The following ADK variants were observed in gnomAD, a reference collection of about 807,000 sequenced individuals.
The protein encoded by ADK is adenosine kinase, also known as N6,N6-dimethyladenosine kinase.
Under a neutral mutation model 44.7 loss-of-function variants are expected in ADK, and 24 were observed. The ratio of observed to expected loss-of-function variants is 0.54; its 90% CI spans 0.39 to 0.76. The LOEUF (loss-of-function observed/expected upper bound fraction) is 0.76, where lower values mean the gene tolerates loss of function less well. ADK is among the 30% of genes least tolerant of loss of function. The probability of loss-of-function intolerance (pLI) is 0.00; values close to 1 mark genes in which losing one functional copy is unlikely to be tolerated. For missense variants in ADK, 321 were observed against 425.1 expected, an observed-to-expected ratio of 0.76 and a Z score of 2.15; for synonymous variants, 128 against 142.6, an observed-to-expected ratio of 0.90 and a Z score of 0.73.
At chr10:74,288,675 T>G (rs1013908871) in intron 3 of ADK, among the ~76,000 whole-genome samples, 29 of 152,242 alleles carry the variant, frequency 1.9e-4, no homozygotes, top group African/African-American at 6.7e-4. Context: ...ACATAAACTT[T>G]TAAAACTTCA....
chr10:74,403,547 C>T (rs1843793078), intron 6 of ADK, among the ~76,000 whole-genome samples: 1 of 152,188 alleles, frequency 6.6e-6, no homozygotes, highest in Non-Finnish European at 1.5e-5. Context: ...CCCTCCGAGC[C>T]ATGCGTGGGA....
At chr10:74,599,619 TTGAAAAGA>T (rs1241971376) in intron 8 of ADK, among the ~76,000 whole-genome samples, 1 of 152,208 alleles carries the variant, frequency 6.6e-6, no homozygotes, top group Admixed American at 6.5e-5. Flanking sequence ...TCCAAAATGG[TTGAAAAGA>T]TGATTCTAAA....
Position 74,547,430 on chromosome 10 carries a change from TTATATATA to T in ADK, c.726+22014_726+22021del, listed in dbSNP as rs10596248. 2.3e-3 allele frequency among the ~76,000 whole-genome samples: 312 copies of T among 137,452 alleles called. 2 individuals are homozygous for T. The highest frequency in any genetic ancestry group is 3.0e-3 in the Non-Finnish European group (196 of 65,354). 90.2% of individuals were successfully genotyped at this position (137,452 alleles called of 152,430 possible). ...TAGATTTTACATCATTTTTCCCACTTTATATATATATATATATTTATTTATTTATTTAT... is the reference window on the plus strand; with the variant it reads ...TAGATTTTACATCATTTTTCCCACTTTATATATATTTATTTATTTATTTAT... On this transcript the variant is annotated intron_variant, in intron 7 of 10. Transcript: ENST00000539909.
intron 9 of ADK, among the ~76,000 whole-genome samples, chr10:74,644,144 C>T (rs554215418): frequency 6.6e-6 from 1 of 152,310 alleles, no homozygotes; most frequent in South Asian, 2.1e-4. Flanking sequence ...TACCTGCAAC[C>T]TACTTTAATC....
intron 3 of ADK, among the ~76,000 whole-genome samples, chr10:74,272,250 T>G (rs1309485131): frequency 6.6e-6 from 1 of 152,190 alleles, no homozygotes; most frequent in African/African-American, 2.4e-5. Context: ...TTAAATACTG[T>G]GTGATGAAAA....
intron 3 of ADK, among the ~76,000 whole-genome samples, chr10:74,225,660 T>C (rs566651226): frequency 6.6e-6 from 1 of 152,216 alleles, no homozygotes; most frequent in Non-Finnish European, 1.5e-5. Context: ...AAGGATTTTC[T>C]TATGCGTTCT....
At chr10:74,464,841 A>AAAAGAGAGAGAG (rs1846296345) in intron 6 of ADK, among the ~76,000 whole-genome samples, 1 of 151,912 alleles carries the variant, frequency 6.6e-6, no homozygotes, top group Non-Finnish European at 1.5e-5. Flanking sequence ...ATTTAAGAAA[A>AAAAGAGAGAGAG]AAAGAGAGAG....
intron 3 of ADK, among the ~76,000 whole-genome samples, chr10:74,275,507 C>G (rs1024736413): frequency 3.9e-5 from 6 of 152,072 alleles, no homozygotes; most frequent in Admixed American, 1.3e-4. Context: ...GCTGGTGTGG[C>G]AAATTTCTAA....
chr10:74,409,464 C>G (rs1044782759), intron 6 of ADK, among the ~76,000 whole-genome samples: 10 of 152,128 alleles, frequency 6.6e-5, no homozygotes, highest in African/African-American at 2.4e-4. Flanking sequence ...AATAATAAGT[C>G]ATATCTTGTC....
chr10:74,392,407 A>C lies in ADK; in HGVS notation c.274-1734A>C, dbSNP rs553975815. On this transcript the variant is annotated intron_variant, in intron 4 of 10. Coordinates refer to ENST00000539909, the MANE Select transcript of ADK (RefSeq NM_006721.4). ...TGTGGTTTTGATTTCCCTGATGATT[A>C]CTGATGTTGAACATCTTTTCTTGTG... Among the ~76,000 whole-genome samples the C allele has an allele frequency of 2.0e-5, 3 of 152,288 alleles. No homozygotes were observed. The East Asian group carries it at 5.8e-4, about 29-fold the overall frequency.
intron 4 of ADK, among the ~76,000 whole-genome samples, chr10:74,318,099 G>T (rs983149282): frequency 1.3e-5 from 2 of 151,984 alleles, no homozygotes; most frequent in Non-Finnish European, 2.9e-5. Flanking sequence ...TTTTGAAGAG[G>T]CCACAAGTGG....
chr10:74,655,614 A>G, intron 9 of ADK: 1 of 447,846 alleles, frequency 2.2e-6, no homozygotes, highest in Non-Finnish European at 4.4e-6. Context: ...GAGCTACAAG[A>G]TGAGGAGGAG....
At chr10:74,376,009 G>T (rs981328396) in intron 4 of ADK, among the ~76,000 whole-genome samples, 1 of 151,096 alleles carries the variant, frequency 6.6e-6, no homozygotes. Context: ...CCAGCTTAAT[G>T]TACTAATTCC....
intron 6 of ADK, among the ~76,000 whole-genome samples, chr10:74,460,133 C>T (rs928059804): frequency 6.6e-6 from 1 of 152,170 alleles, no homozygotes; most frequent in African/African-American, 2.4e-5. Context: ...TGTTTCTTCA[C>T]CCTAACGGCA....
intron 9 of ADK, among the ~76,000 whole-genome samples, chr10:74,643,205 G>C (rs1020926702): frequency 2.6e-5 from 4 of 152,036 alleles, no homozygotes; most frequent in African/African-American, 9.7e-5. Context: ...CCCAACTCAA[G>C]TCAGAAACCC....
At chr10:74,569,752 T>G (rs1245845515) in intron 7 of ADK, among the ~76,000 whole-genome samples, 1 of 152,276 alleles carries the variant, frequency 6.6e-6, no homozygotes, top group South Asian at 2.1e-4. Flanking sequence ...TAGTTTCTTT[T>G]GCTGTGCAGA....
intron 6 of ADK, among the ~76,000 whole-genome samples, chr10:74,404,278 C>T (rs1843828876): frequency 6.6e-6 from 1 of 151,768 alleles, no homozygotes; most frequent in South Asian, 2.1e-4. Flanking sequence ...AACCTTGCTG[C>T]TATTTTTGTT....
Position 74,534,877 on chromosome 10 carries a change from T to A in ADK, c.726+9451T>A, listed in dbSNP as rs115301963. On this transcript the variant is annotated intron_variant, in intron 7 of 10. Transcript: ENST00000539909. ...CTTACTTCTGTTCCAACAAAGTTAT[T>A]TGCTTACAAAAGTTAATTATGTTTT... is the stretch of plus-strand genomic sequence containing the variant. Among the ~76,000 whole-genome samples, 762 of 152,326 alleles carry A rather than the reference T, an allele frequency of 5.0e-3. 4 individuals carry two copies. The highest frequency in any genetic ancestry group is 0.016 in the African/African-American group (683 of 41,572).
chr10:74,440,335 T>C (rs898634572), intron 6 of ADK, among the ~76,000 whole-genome samples: 48 of 152,122 alleles, frequency 3.2e-4, no homozygotes, highest in African/African-American at 1.1e-3. Context: ...TGGCTAAAAT[T>C]CACCTGGCTG....
Sources: allele counts gnomAD v4.1 joint callset (sites outside exome capture counted in the v4.1 genomes callset), GRCh38; gene constraint gnomAD v4.1.1; transcripts MANE v1.5; gene names NCBI Gene and HGNC (gene_info 2026-07-23, HGNC 2026-07-21).